CFAP221: variants seen among roughly 807,000 people sequenced by gnomAD.
The protein encoded by CFAP221 is cilia- and flagella-associated protein 221.
Under a neutral mutation model 113.1 loss-of-function variants are expected in CFAP221, and 97 were observed. The observed-to-expected ratio is 0.86, with a 90% CI of 0.73 to 1.02. The LOEUF is 1.02. Ranked by LOEUF, CFAP221 falls within the 50% of genes least tolerant of loss-of-function variation. CFAP221 has a pLI of 0.00. For missense variants in CFAP221, 1,025 were observed against 1,013.4 expected, an observed-to-expected ratio of 1.01 and a Z score of -0.16; for synonymous variants, 331 against 354.4, an observed-to-expected ratio of 0.93 and a Z score of 0.74.
rs11440577 is a variant in CFAP221, at chr2:119,615,461, T to TA, written c.1312-146dup. The TA allele has an allele frequency of 1.8e-3, 1,159 of 639,394 alleles. 14 individuals carry two copies. In the African/African-American group the frequency reaches 0.019, roughly 11 times the overall value. 39.6% of individuals were successfully genotyped at this position (639,394 alleles called of 1,614,324 possible). Reference sequence around the variant, plus strand: ...GTGTTCCTTATAATGCTGTGTACACTAAAAGTGCTTAATAAATAAATGCTC... The same window carrying TA: ...GTGTTCCTTATAATGCTGTGTACACTAAAAAGTGCTTAATAAATAAATGCTC... On this transcript the variant is annotated intron_variant, in intron 13 of 23. Coordinates refer to ENST00000413369, the MANE Select transcript of CFAP221 (RefSeq NM_001271049.2).
chr2:119,609,111 T>C (rs751016394), intron 12 of CFAP221, among the ~76,000 whole-genome samples: 1 of 152,182 alleles, frequency 6.6e-6, no homozygotes, highest in Non-Finnish European at 1.5e-5. Flanking sequence ...AGATAGCCCC[T>C]GTAGGTTCAG....
intron 22 of CFAP221, chr2:119,648,430 T>TG: frequency 3.4e-6 from 1 of 298,000 alleles, no homozygotes; most frequent in Non-Finnish European, 7.6e-6. Context: ...TTCATGTCTT[T>TG]GGGGGTATAA....
At chr2:119,639,395 G>A (rs1045949464) in intron 20 of CFAP221, among the ~76,000 whole-genome samples, 15 of 152,202 alleles carry the variant, frequency 9.9e-5, no homozygotes, top group Admixed American at 5.2e-4. Context: ...CGCCTCCCAC[G>A]TGGCGCGCGT....
At position 119,619,931 on chromosome 2, in the gene CFAP221, C is replaced by T. The variant is rs538559154; in HGVS notation, c.1410+4222C>T. Among the ~76,000 whole-genome samples, 7 of 152,180 alleles carry T rather than the reference C, an allele frequency of 4.6e-5. No individual in the cohort carries two copies. The South Asian group carries it at 1.2e-3, about 27-fold the overall frequency. On this transcript the variant is annotated intron_variant, in intron 14 of 23. Coordinates refer to ENST00000413369, the MANE Select transcript of CFAP221 (RefSeq NM_001271049.2). ...AGAGCTGAAAAACACAGCACGAGAACTTCATGAAGAATACACAAGTATCAA... is the reference window on the plus strand; with the variant it reads ...AGAGCTGAAAAACACAGCACGAGAATTTCATGAAGAATACACAAGTATCAA...
intron 3 of CFAP221, among the ~76,000 whole-genome samples, chr2:119,549,652 G>A (rs1435187090): frequency 6.6e-6 from 1 of 152,190 alleles, no homozygotes; most frequent in East Asian, 1.9e-4. Flanking sequence ...CAGTCCTGTA[G>A]CACCAGGAAG....
intron 8 of CFAP221, among the ~76,000 whole-genome samples, chr2:119,603,414 G>A (rs991877489): frequency 1.3e-5 from 2 of 152,076 alleles, no homozygotes; most frequent in Admixed American, 6.5e-5. Context: ...AGAGCATGTC[G>A]GTGGGTGGGA....
intron 3 of CFAP221, among the ~76,000 whole-genome samples, chr2:119,556,738 G>A (rs990495478): frequency 3.2e-4 from 48 of 151,848 alleles, no homozygotes; most frequent in African/African-American, 1.1e-3. Context: ...TATTAGTAGA[G>A]ATGGAGTTTT....
At chr2:119,557,250 C>A (rs1453735596) in intron 3 of CFAP221, 1 of 152,212 alleles carries the variant, frequency 6.6e-6, no homozygotes, top group Non-Finnish European at 1.5e-5. Context: ...TCCTCAGCAG[C>A]CTTGCTACAG....
At chr2:119,640,538 G>C (rs933669466) in intron 21 of CFAP221, among the ~76,000 whole-genome samples, 2 of 152,198 alleles carry the variant, frequency 1.3e-5, no homozygotes, top group African/African-American at 4.8e-5. Context: ...TGACTCCTGA[G>C]CCCTTGAATT....
chr2:119,587,011 G>T (rs1268223848), intron 6 of CFAP221, 108 bp from the exon 7 acceptor site: 2 of 724,248 alleles, frequency 2.8e-6, no homozygotes, highest in Non-Finnish European at 4.3e-6. Context: ...ATCAGCATTG[G>T]CAGTCATCAT....
chr2:119,596,238 G>A (rs139747938), intron 7 of CFAP221, among the ~76,000 whole-genome samples: 2 of 152,280 alleles, frequency 1.3e-5, no homozygotes, highest in African/African-American at 4.8e-5. Context: ...TGGTGACCTT[G>A]GAGATGGTGA....
chr2:119,638,550 G>A (rs1380420957), intron 20 of CFAP221, 133 bp downstream of exon 20: 24 of 1,164,098 alleles, frequency 2.1e-5, no homozygotes, highest in East Asian at 1.5e-4. Context: ...TGGTAACACC[G>A]CCCCTCATAC....
intron 6 of CFAP221, among the ~76,000 whole-genome samples, chr2:119,570,353 A>G (rs943832190): frequency 2.0e-5 from 3 of 152,242 alleles, no homozygotes; most frequent in East Asian, 1.9e-4. Context: ...ATGAACAAAG[A>G]CACACTTATA....
intron 10 of CFAP221, 83 bp from the exon 11 acceptor site, chr2:119,605,098 C>A: frequency 6.9e-7 from 1 of 1,459,164 alleles, no homozygotes; most frequent in African/African-American, 1.4e-5. Flanking sequence ...GCTGTTATGC[C>A]TCGCCATTAG....
chr2:119,632,141 C>T (rs746668561), intron 19 of CFAP221, among the ~76,000 whole-genome samples: 8 of 152,078 alleles, frequency 5.3e-5, no homozygotes, highest in Non-Finnish European at 8.8e-5. Flanking sequence ...AGAGAAGAGA[C>T]TAATTCCCAA....
chr2:119,580,429 A>T (rs1271572773), intron 6 of CFAP221: 1 of 152,200 alleles, frequency 6.6e-6, no homozygotes, highest in Non-Finnish European at 1.5e-5. Flanking sequence ...CAGTACAGCT[A>T]CGCTCCTCTC....
intron 6 of CFAP221, 195 bp from the exon 7 acceptor site, chr2:119,586,924 G>A (rs1683264614): frequency 1.7e-5 from 7 of 419,982 alleles, no homozygotes; most frequent in Admixed American, 4.3e-5. Context: ...GGATAATCAC[G>A]GCACCACCTC....
At chr2:119,605,107 A>G (rs1470036963) in intron 10 of CFAP221, 74 bp from the exon 11 acceptor site, 4 of 1,475,906 alleles carry the variant, frequency 2.7e-6, no homozygotes, top group Non-Finnish European at 3.8e-6. Context: ...CCTCGCCATT[A>G]GAAATGTGTT....
intron 7 of CFAP221, 127 bp from the exon 8 acceptor site, chr2:119,601,091 G>C: frequency 2.1e-6 from 2 of 938,918 alleles, no homozygotes; most frequent in Non-Finnish European, 3.0e-6. Context: ...ATTTTCAATT[G>C]TGTGGGGAGT....
Sources: gnomAD v4.1 joint callset for allele counts (sites outside exome capture counted in the v4.1 genomes callset) on GRCh38, gnomAD v4.1.1 for gene constraint, MANE v1.5 for transcripts, NCBI Gene and HGNC (gene_info 2026-07-23, HGNC 2026-07-21) for gene names.